The following RAPH1 variants were observed in gnomAD, a reference collection of about 807,000 sequenced individuals.
RAPH1 encodes the protein ras-associated and pleckstrin homology domains-containing protein 1.
Under a neutral mutation model 88.1 loss-of-function variants are expected in RAPH1, and 18 were observed. The observed-to-expected ratio is 0.20, with a 90% CI of 0.14 to 0.30. The LOEUF (loss-of-function observed/expected upper bound fraction) is 0.30, where lower values mean the gene tolerates loss of function less well. Among genes scored for constraint, RAPH1 ranks in the 10% least tolerant of loss-of-function variants. The pLI is 1.00. For synonymous variants in RAPH1, 587 were observed against 559.0 expected, an observed-to-expected ratio of 1.05 and a Z score of -0.71; for missense variants, 1,448 against 1,543.2, an observed-to-expected ratio of 0.94 and a Z score of 1.03.
At chr2:203,495,513 A>G (rs1167144409) in intron 1 of RAPH1, among the ~76,000 whole-genome samples, 160 bp from the exon 2 acceptor site, 1 of 152,244 alleles carries the variant, frequency 6.6e-6, no homozygotes, top group Non-Finnish European at 1.5e-5. Flanking sequence ...TAATGGAGAC[A>G]GTGTTCACAA....
chr2:203,509,341 G>A (rs1017646448), intron 1 of RAPH1, among the ~76,000 whole-genome samples: 8 of 151,934 alleles, frequency 5.3e-5, no homozygotes, highest in Non-Finnish European at 8.8e-5. Flanking sequence ...GATTACAGGC[G>A]TGAGCCACCA....
Position 203,518,618 on chromosome 2 carries a change from G to A in RAPH1, c.-1+16493C>T, listed in dbSNP as rs557726900. On this transcript the variant is annotated intron_variant, in intron 1 of 13. Coordinates refer to ENST00000319170, the MANE Select transcript of RAPH1 (RefSeq NM_213589.3). ...TCCTAGTGCTTTGAGAGGCCAAGCGGGAGGATTGCTTGAGGCCAGGAGTTC... is the reference window on the plus strand; with the variant it reads ...TCCTAGTGCTTTGAGAGGCCAAGCGAGAGGATTGCTTGAGGCCAGGAGTTC... Among the ~76,000 whole-genome samples, 457 of 151,886 alleles carry A rather than the reference G, an allele frequency of 3.0e-3. 2 individuals are homozygous for A. The highest frequency in any genetic ancestry group is 5.8e-3 in the Non-Finnish European group (396 of 67,984).
At chr2:203,496,834 T>C (rs1688538582) in intron 1 of RAPH1, among the ~76,000 whole-genome samples, 1 of 152,210 alleles carries the variant, frequency 6.6e-6, no homozygotes, top group Non-Finnish European at 1.5e-5. Flanking sequence ...TAAATACTCT[T>C]GACTCACATT....
At chr2:203,498,523 T>A (rs965327213) in intron 1 of RAPH1, among the ~76,000 whole-genome samples, 9 of 152,198 alleles carry the variant, frequency 5.9e-5, no homozygotes, top group African/African-American at 2.2e-4. Flanking sequence ...GGTGGCAAGC[T>A]CCGTTCTTGG....
At chr2:203,461,146 C>T (rs553390887) in intron 6 of RAPH1, 103 bp downstream of exon 6, 8 of 474,336 alleles carry the variant, frequency 1.7e-5, no homozygotes, top group Admixed American at 4.7e-5. Flanking sequence ...AAAATAAAAA[C>T]ATATATATAT....
intron 1 of RAPH1, among the ~76,000 whole-genome samples, chr2:203,506,850 C>CTATATATATATATATATA (rs1386285913): frequency 1.3e-5 from 1 of 75,494 alleles, no homozygotes; most frequent in Non-Finnish European, 2.1e-5. Context: ...ATATATCTAT[C>CTATATATATATATATATA]TATATCTATA....
intron 2 of RAPH1, among the ~76,000 whole-genome samples, chr2:203,491,700 G>C (rs578084141): frequency 6.6e-6 from 1 of 152,252 alleles, no homozygotes; most frequent in East Asian, 1.9e-4. Flanking sequence ...TAGAGACAGG[G>C]TGTCACCATG....
At chr2:203,526,303 T>C (rs1690111322) in intron 1 of RAPH1, among the ~76,000 whole-genome samples, 1 of 152,216 alleles carries the variant, frequency 6.6e-6, no homozygotes, top group Admixed American at 6.5e-5. Flanking sequence ...ATATTATGAT[T>C]TCTGATATAA....
chr2:203,444,130 AAG>A (rs1343350305), intron 13 of RAPH1: 1 of 146,708 alleles, frequency 6.8e-6, no homozygotes, highest in Admixed American at 6.7e-5. Flanking sequence ...AATAAAAAAG[AAG>A]AGAAAAAAAG....
At chr2:203,489,416 T>A (rs1688140040) in intron 4 of RAPH1, among the ~76,000 whole-genome samples, 168 bp downstream of exon 4, 1 of 152,208 alleles carries the variant, frequency 6.6e-6, no homozygotes. Context: ...TTTGTGCCAC[T>A]ACCATATCTG....
At chr2:203,520,598 G>A (rs1042293355) in intron 1 of RAPH1, among the ~76,000 whole-genome samples, 2 of 151,660 alleles carry the variant, frequency 1.3e-5, no homozygotes, top group African/African-American at 4.9e-5. Flanking sequence ...TTGCACTCCA[G>A]CCTGGGCAAC....
At chr2:203,463,796 A>G (rs2098526194) in intron 4 of RAPH1, among the ~76,000 whole-genome samples, 1 of 152,212 alleles carries the variant, frequency 6.6e-6, no homozygotes, top group Non-Finnish European at 1.5e-5. Context: ...ATTATAAAAC[A>G]TGTTTACGTT....
chr2:203,512,867 GCCCACCTTGGTCT>G (rs1689416106), intron 1 of RAPH1, among the ~76,000 whole-genome samples: 1 of 151,900 alleles, frequency 6.6e-6, no homozygotes, highest in South Asian at 2.1e-4. Context: ...CTGGTGATCC[GCCCACCTTGGTCT>G]CCCAAAGTGC....
At chr2:203,501,301 A>G (rs1278285748) in intron 1 of RAPH1, among the ~76,000 whole-genome samples, 1 of 152,224 alleles carries the variant, frequency 6.6e-6, no homozygotes, top group African/African-American at 2.4e-5. Flanking sequence ...TAGGGGATTA[A>G]TTACTTATCA....
At chr2:203,493,992 AAAAAAAG>A (rs1688394522) in intron 2 of RAPH1, among the ~76,000 whole-genome samples, 14 of 150,312 alleles carry the variant, frequency 9.3e-5, no homozygotes, top group East Asian at 3.9e-4. Flanking sequence ...AAAAAAAAAA[AAAAAAAG>A]AAAAAAGAAA....
At chr2:203,453,624 A>C (rs1015783553) in intron 10 of RAPH1, among the ~76,000 whole-genome samples, 1 of 151,564 alleles carries the variant, frequency 6.6e-6, no homozygotes, top group African/African-American at 2.4e-5. Context: ...AAAACTCCAA[A>C]ATCCTAAAAT....
At chr2:203,508,017 C>T (rs902031107) in intron 1 of RAPH1, among the ~76,000 whole-genome samples, 10 of 151,086 alleles carry the variant, frequency 6.6e-5, no homozygotes, top group African/African-American at 2.2e-4. Context: ...TCAAGACCAT[C>T]CTGGCTAACA....
At position 203,459,796 on chromosome 2, in the gene RAPH1, A is replaced by G. The variant is rs893777817; in HGVS notation, c.1092+111T>C. ...GATGCTCCTATAGGATTTTGCAGGT[A>G]TATCGCTCCAACCAGGTGTTTACCA... is the stretch of plus-strand genomic sequence containing the variant. On this transcript the variant is annotated intron_variant, in intron 7 of 13. Coordinates refer to ENST00000319170, the MANE Select transcript of RAPH1 (RefSeq NM_213589.3). 5.5e-6 allele frequency: 6 copies of G among 1,098,154 alleles called. No individual in the cohort carries two copies. The African/African-American group carries it at 8.0e-5, about 15-fold the overall frequency. The allele number at this position is 1,098,154 out of a possible 1,614,324, so 68.0% of individuals were successfully genotyped here. A position where few individuals can be genotyped will look rare whatever the true frequency, so the allele number is the denominator to read the frequency against.
At chr2:203,513,247 T>C (rs1218011292) in intron 1 of RAPH1, among the ~76,000 whole-genome samples, 1 of 151,924 alleles carries the variant, frequency 6.6e-6, no homozygotes, top group Non-Finnish European at 1.5e-5. Context: ...TACCAAAGAT[T>C]TCCTCCACTC....
Sources: gnomAD v4.1 joint callset for allele counts (sites outside exome capture counted in the v4.1 genomes callset) on GRCh38, gnomAD v4.1.1 for gene constraint, MANE v1.5 for transcripts, NCBI Gene and HGNC (gene_info 2026-07-23, HGNC 2026-07-21) for gene names.